CAST: variants seen among roughly 807,000 people sequenced by gnomAD.
CAST encodes the protein calpastatin, also known as MIR583 host.
CAST carries 76 observed loss-of-function variants against 119.6 expected under a neutral mutation model. The ratio of observed to expected loss-of-function variants is 0.64; its 90% CI spans 0.53 to 0.77. The LOEUF (loss-of-function observed/expected upper bound fraction) is 0.77, where lower values mean the gene tolerates loss of function less well. Among genes scored for constraint, CAST ranks in the 30% least tolerant of loss-of-function variants. The pLI, the probability that CAST is intolerant of heterozygous loss-of-function variation, is 0.00. For missense variants in CAST, 953 were observed against 946.5 expected, an observed-to-expected ratio of 1.01 and a Z score of -0.09; for synonymous variants, 319 against 331.6, an observed-to-expected ratio of 0.96 and a Z score of 0.41.
chr5:96,244,285 A>C, the CAST span, among the ~76,000 whole-genome samples: 1 of 152,250 alleles, frequency 6.6e-6, no homozygotes, highest in African/African-American at 2.4e-5. Context: ...ATTTCAGGAA[A>C]GCTCCAAACA....
chr5:96,030,880 A>G, the CAST span, among the ~76,000 whole-genome samples: 1 of 152,202 alleles, frequency 6.6e-6, no homozygotes, highest in Non-Finnish European at 1.5e-5. Flanking sequence ...CCTTGTCTCT[A>G]TAAATAAGCA....
the CAST span, among the ~76,000 whole-genome samples, chr5:96,191,643 C>A: frequency 6.6e-6 from 1 of 152,190 alleles, no homozygotes; most frequent in Non-Finnish European, 1.5e-5. Flanking sequence ...TCACCAGGCT[C>A]ACTGCAACCT....
chr5:96,499,078 A>C, the CAST span, among the ~76,000 whole-genome samples: 1 of 152,080 alleles, frequency 6.6e-6, no homozygotes, highest in East Asian at 1.9e-4. Context: ...TGGCAAGCTT[A>C]GGGTTAAACA....
At chr5:96,042,370 A>G in the CAST span, among the ~76,000 whole-genome samples, 28 of 152,310 alleles carry the variant, frequency 1.8e-4, no homozygotes, top group African/African-American at 6.5e-4. Flanking sequence ...GAACAAAACA[A>G]TGTATTGTCC....
chr5:96,423,559 TG>T, the CAST span: 1 of 1,063,460 alleles, frequency 9.4e-7, no homozygotes, highest in Non-Finnish European at 1.4e-6. Context: ...TCTTTTTCCT[TG>T]GGTCACTCTA....
chr5:96,620,819 C>T (rs1349101452), intron 1 of CAST, among the ~76,000 whole-genome samples: 1 of 152,178 alleles, frequency 6.6e-6, no homozygotes, highest in Non-Finnish European at 1.5e-5. Context: ...ATTTTAAATG[C>T]TCTTCTTTCT....
chr5:96,231,227 C>A, the CAST span, among the ~76,000 whole-genome samples: 5 of 152,108 alleles, frequency 3.3e-5, no homozygotes, highest in East Asian at 7.7e-4. Context: ...GTAGGAACAA[C>A]CGCAATGTTC....
At chr5:96,462,108 A>T in the CAST span, among the ~76,000 whole-genome samples, 1 of 151,950 alleles carries the variant, frequency 6.6e-6, no homozygotes, top group Non-Finnish European at 1.5e-5. Flanking sequence ...CCCAGCACGG[A>T]CTCTTCCCAA....
chr5:96,150,950 C>T, the CAST span, among the ~76,000 whole-genome samples: 2 of 152,166 alleles, frequency 1.3e-5, no homozygotes, highest in African/African-American at 4.8e-5. Flanking sequence ...CTGCCCCAAA[C>T]CTGAAGAGCC....
chr5:96,177,803 G>A, the CAST span, among the ~76,000 whole-genome samples: 1 of 152,168 alleles, frequency 6.6e-6, no homozygotes, highest in African/African-American at 2.4e-5. Context: ...TTAGCAAGCC[G>A]AGCTGCTTCT....
In CAST at chr5:96,731,687, A is replaced by G. The variant is rs1581169208; in HGVS notation, c.630+827A>G. Among the ~76,000 whole-genome samples the G allele has an allele frequency of 2.2e-5, 3 of 135,696 alleles. No homozygotes were observed. In the East Asian group the frequency reaches 6.5e-4, roughly 29 times the overall value. 89.0% of individuals were successfully genotyped at this position (135,696 alleles called of 152,430 possible). A position where few individuals can be genotyped will look rare whatever the true frequency, so the allele number is the denominator to read the frequency against. On this transcript the variant is annotated intron_variant, in intron 9 of 31. Coordinates refer to ENST00000675179, the MANE Select transcript of CAST (RefSeq NM_001750.7). ...CCCTCCACAGTCCCCCGAGTGTGAT[A>G]TTCCCCTTCCTGTGTCCATGTGATC...
At chr5:96,596,470 C>T (rs552678939) in intron 1 of CAST, among the ~76,000 whole-genome samples, 21 of 152,300 alleles carry the variant, frequency 1.4e-4, no homozygotes, top group African/African-American at 4.8e-4. Flanking sequence ...GCTTTTGCCT[C>T]CAAAATGGTA....
At chr5:96,559,087 A>G (rs1040273924) in intron 1 of CAST, among the ~76,000 whole-genome samples, 5 of 152,174 alleles carry the variant, frequency 3.3e-5, no homozygotes, top group Admixed American at 1.3e-4. Context: ...CAGCATATAA[A>G]CAGAACCAAT....
the CAST span, chr5:96,432,957 C>G: frequency 6.2e-7 from 1 of 1,614,246 alleles, no homozygotes; most frequent in Non-Finnish European, 8.5e-7. Context: ...GACAAATTGC[C>G]TTTTCGCTTT....
the CAST span, among the ~76,000 whole-genome samples, chr5:96,279,627 A>G: frequency 6.6e-6 from 1 of 152,208 alleles, no homozygotes; most frequent in Admixed American, 6.5e-5. Flanking sequence ...ATTCTTCTAG[A>G]AGGCTTTACA....
upstream of CAST, among the ~76,000 whole-genome samples, chr5:96,659,364 G>A (rs1748211675): frequency 6.6e-6 from 1 of 152,158 alleles, no homozygotes; most frequent in Non-Finnish European, 1.5e-5. Context: ...ATAAAATGAG[G>A]TATGCCTGTA....
At chr5:96,244,855 T>C in the CAST span, among the ~76,000 whole-genome samples, 1 of 152,224 alleles carries the variant, frequency 6.6e-6, no homozygotes, top group South Asian at 2.1e-4. Flanking sequence ...AGTGACTTTG[T>C]GGGTAATTAA....
At chr5:96,469,878 T>C in the CAST span, among the ~76,000 whole-genome samples, 2 of 91,370 alleles carry the variant, frequency 2.2e-5, no homozygotes, top group Admixed American at 1.1e-4. Flanking sequence ...TATATATATA[T>C]AATATATATA....
the CAST span, among the ~76,000 whole-genome samples, chr5:96,243,460 A>C: frequency 6.6e-6 from 1 of 152,004 alleles, no homozygotes; most frequent in Non-Finnish European, 1.5e-5. Flanking sequence ...ACATTTTTAA[A>C]ATTTTTTTTG....
Sources: gnomAD v4.1 joint callset for allele counts (sites outside exome capture counted in the v4.1 genomes callset) on GRCh38, gnomAD v4.1.1 for gene constraint, MANE v1.5 for transcripts, NCBI Gene and HGNC (gene_info 2026-07-23, HGNC 2026-07-21) for gene names.